LUZP2: variants seen among roughly 807,000 people sequenced by gnomAD.
LUZP2 encodes leucine zipper protein 2.
In LUZP2, 52 loss-of-function variants were observed where a neutral mutation model predicts 51.6. The ratio of observed to expected loss-of-function variants is 1.01; its 90% confidence interval spans 0.81 to 1.27. The LOEUF (loss-of-function observed/expected upper bound fraction) is 1.27, where lower values mean the gene tolerates loss of function less well. LUZP2 is among the 50% of genes most tolerant of loss of function. The pLI is 0.00. For missense variants in LUZP2, 436 were observed against 395.4 expected, an observed-to-expected ratio of 1.10 and a Z score of -0.87; for synonymous variants, 154 against 137.3, an observed-to-expected ratio of 1.12 and a Z score of -0.85.
At chr11:24,551,121 G>GT (rs1218371237) in intron 1 of LUZP2, among the ~76,000 whole-genome samples, 7 of 151,858 alleles carry the variant, frequency 4.6e-5, no homozygotes, top group Non-Finnish European at 7.4e-5. Context: ...TAAGAAAATA[G>GT]TTTTTTAAGC....
intron 7 of LUZP2, among the ~76,000 whole-genome samples, chr11:24,917,074 C>T (rs1853812212): frequency 6.6e-6 from 1 of 152,184 alleles, no homozygotes; most frequent in South Asian, 2.1e-4. Flanking sequence ...TTGCATTTCT[C>T]TGATGGCCAG....
intron 1 of LUZP2, among the ~76,000 whole-genome samples, chr11:24,682,598 G>T (rs368133009): frequency 6.9e-6 from 1 of 144,588 alleles, no homozygotes; most frequent in Admixed American, 6.9e-5. Context: ...GTGTGTGTGT[G>T]TATATATATG....
At chr11:24,859,082 A>C (rs1470071420) in intron 5 of LUZP2, among the ~76,000 whole-genome samples, 1 of 152,228 alleles carries the variant, frequency 6.6e-6, no homozygotes, top group Non-Finnish European at 1.5e-5. Flanking sequence ...TGGCTGAGGC[A>C]CTCATAACAA....
At position 24,602,319 on chromosome 11, in the gene LUZP2, TAC is replaced by T. The variant is rs1491268887; in HGVS notation, c.62+105022_62+105023del. Reference sequence around the variant, plus strand: ...GTACATACATATATACACACATATATACACACACATATATATACATATATATG... The same window carrying T: ...GTACATACATATATACACACATATATACACACATATATATACATATATATG... On this transcript the variant is annotated intron_variant, in intron 1 of 11. Transcript: ENST00000336930. Among the ~76,000 whole-genome samples the T allele has an allele frequency of 1.2e-3, 161 of 137,934 alleles. 4 individuals are homozygous for T. Among genetic ancestry groups the T allele is most frequent in the Non-Finnish European group, 1.7e-3 (107 of 63,100 alleles). The allele number at this position is 137,934 out of a possible 152,430, so 90.5% of individuals were successfully genotyped here.
chr11:24,844,098 G>T (rs1240743937), intron 5 of LUZP2, among the ~76,000 whole-genome samples: 3 of 152,140 alleles, frequency 2.0e-5, no homozygotes, highest in African/African-American at 4.8e-5. Flanking sequence ...GCAAAGGTTG[G>T]AACAGTTTGG....
chr11:24,837,065 A>G (rs981795360), intron 5 of LUZP2, among the ~76,000 whole-genome samples: 1 of 19,398 alleles, frequency 5.2e-5, no homozygotes, highest in Non-Finnish European at 6.7e-4. Context: ...AATGGTTGGT[A>G]GAATTATGTC....
chr11:24,729,322 G>A (rs775770483), intron 2 of LUZP2, 36 bp downstream of exon 2: 7 of 1,138,178 alleles, frequency 6.2e-6, no homozygotes, highest in Non-Finnish European at 8.7e-6. Context: ...CAGTAAAAGA[G>A]GAGCAGTCAT....
chr11:24,766,244 A>C (rs1431596033), intron 5 of LUZP2, among the ~76,000 whole-genome samples: 1 of 152,078 alleles, frequency 6.6e-6, no homozygotes, highest in Non-Finnish European at 1.5e-5. Flanking sequence ...TTTTTATGAA[A>C]TATTCAAGTC....
intron 5 of LUZP2, among the ~76,000 whole-genome samples, chr11:24,879,489 G>A (rs773289402): frequency 5.3e-5 from 8 of 152,050 alleles, no homozygotes; most frequent in African/African-American, 7.2e-5. Flanking sequence ...TTGAGGAATC[G>A]CCACATTGAA....
At chr11:24,748,238 C>T (rs908002153) in intron 4 of LUZP2, among the ~76,000 whole-genome samples, 4 of 152,048 alleles carry the variant, frequency 2.6e-5, no homozygotes, top group African/African-American at 9.7e-5. Flanking sequence ...CTTTCTCTAC[C>T]CCTATATTTT....
chr11:24,703,364 C>T (rs1017163201), intron 1 of LUZP2, among the ~76,000 whole-genome samples: 15 of 152,160 alleles, frequency 9.9e-5, no homozygotes, highest in African/African-American at 2.2e-4. Flanking sequence ...ATTTCAGAGA[C>T]GTAGCAGTTT....
intron 1 of LUZP2, among the ~76,000 whole-genome samples, chr11:24,550,467 T>A (rs549208102): frequency 5.3e-5 from 8 of 152,074 alleles, no homozygotes; most frequent in African/African-American, 1.7e-4. Flanking sequence ...TAATTAAATA[T>A]CTTAGAGTTC....
intron 1 of LUZP2, among the ~76,000 whole-genome samples, chr11:24,663,831 T>G (rs1426794245): frequency 6.6e-6 from 1 of 152,304 alleles, no homozygotes; most frequent in East Asian, 1.9e-4. Context: ...CCCCCTTCAC[T>G]TGGCTCTCAT....
At chr11:24,640,960 TAGATATAGATATAGATA>T (rs1855258445) in intron 1 of LUZP2, among the ~76,000 whole-genome samples, 235 of 1,610 alleles carry the variant, frequency 0.15, 4 homozygotes, top group African/African-American at 0.28. Context: ...TATATCTGTA[TAGATATAGATATAGATA>T]TAGATATAGA....
Position 25,040,543 on chromosome 11 carries a change from T to TCC in LUZP2, c.766-9495_766-9494insCC, listed in dbSNP as rs1858022951. The stretch of plus-strand genomic sequence containing the variant: ...GAATCTGACAGCATGGGTTAAATAA[T>TCC]TAGCTGTATAATCCAAACGCTATTT... On this transcript the variant is annotated intron_variant, in intron 9 of 11. Coordinates refer to ENST00000336930, the MANE Select transcript of LUZP2 (RefSeq NM_001009909.4). Among the ~76,000 whole-genome samples the TCC allele has an allele frequency of 4.6e-5, 7 of 152,068 alleles. No homozygotes were observed. In the South Asian group the frequency reaches 1.5e-3, roughly 32 times the overall value.
intron 1 of LUZP2, among the ~76,000 whole-genome samples, chr11:24,616,345 T>C (rs1248297887): frequency 6.6e-6 from 1 of 152,174 alleles, no homozygotes; most frequent in African/African-American, 2.4e-5. Flanking sequence ...TGTATTGTTT[T>C]ACATGTTACA....
intron 1 of LUZP2, among the ~76,000 whole-genome samples, chr11:24,608,989 T>C (rs1854028457): frequency 6.6e-6 from 1 of 152,012 alleles, no homozygotes; most frequent in Non-Finnish European, 1.5e-5. Flanking sequence ...GAGGAGATTA[T>C]TAAAAATACA....
intron 5 of LUZP2, among the ~76,000 whole-genome samples, chr11:24,860,235 G>C (rs1005684740): frequency 6.6e-6 from 1 of 152,134 alleles, no homozygotes; most frequent in Non-Finnish European, 1.5e-5. Context: ...TCACTGGGTG[G>C]GGCTTCCCTG....
At chr11:24,942,956 C>T (rs1854795770) in intron 7 of LUZP2, among the ~76,000 whole-genome samples, 2 of 152,134 alleles carry the variant, frequency 1.3e-5, no homozygotes, top group South Asian at 4.1e-4. Context: ...TCAGTTACAT[C>T]ATAATTTATT....
Sources: allele counts gnomAD v4.1 joint callset (sites outside exome capture counted in the v4.1 genomes callset), GRCh38; gene constraint gnomAD v4.1.1; transcripts MANE v1.5; gene names NCBI Gene and HGNC (gene_info 2026-07-23, HGNC 2026-07-21).